FLNB: variants seen among roughly 807,000 people sequenced by gnomAD.
FLNB encodes the protein filamin-B.
A neutral mutation model predicts 250.6 loss-of-function variants in FLNB; 111 were observed. The observed-to-expected ratio is 0.44, with a 90% confidence interval of 0.38 to 0.52. FLNB has a LOEUF of 0.52. FLNB is among the 20% of genes least tolerant of loss of function. The pLI, the probability that FLNB is intolerant of heterozygous loss-of-function variation, is 0.00. For missense variants in FLNB, 2,869 were observed against 3,447.8 expected, an observed-to-expected ratio of 0.83 and a Z score of 4.20; for synonymous variants, 1,302 against 1,372.1, an observed-to-expected ratio of 0.95 and a Z score of 1.13.
At chr3:58,045,581 C>A (rs986060413) in intron 1 of FLNB, among the ~76,000 whole-genome samples, 2 of 152,126 alleles carry the variant, frequency 1.3e-5, no homozygotes, top group African/African-American at 4.8e-5. Flanking sequence ...TGGACACCCC[C>A]GATTTAAAGG....
At chr3:58,147,024 C>G in intron 34 of FLNB, 31 bp downstream of exon 34, 2 of 1,611,654 alleles carry the variant, frequency 1.2e-6, no homozygotes, top group Non-Finnish European at 1.7e-6. Context: ...GGGTCTTCCT[C>G]GTGGGAAGTA....
intron 7 of FLNB, among the ~76,000 whole-genome samples, chr3:58,098,189 T>G (rs964545178): frequency 2.0e-5 from 3 of 152,238 alleles, no homozygotes; most frequent in African/African-American, 7.2e-5. Context: ...ACATACTTCT[T>G]GAATTGTTGG....
At chr3:58,153,962 A>G (rs529656931) in intron 39 of FLNB, among the ~76,000 whole-genome samples, 34 of 152,248 alleles carry the variant, frequency 2.2e-4, no homozygotes, top group Non-Finnish European at 4.0e-4. Context: ...TCTGTGGAAC[A>G]TACTAGAAAG....
chr3:58,104,528 T>C (rs1345044890), intron 10 of FLNB, among the ~76,000 whole-genome samples: 1 of 152,250 alleles, frequency 6.6e-6, no homozygotes, highest in African/African-American at 2.4e-5. Context: ...GGCATTGCAC[T>C]TGCCCCTCTG....
chr3:58,023,723 T>C (rs2106724418), intron 1 of FLNB, among the ~76,000 whole-genome samples: 1 of 152,300 alleles, frequency 6.6e-6, no homozygotes, highest in South Asian at 2.1e-4. Flanking sequence ...CTCATTTGAG[T>C]CTCATTGTGG....
chr3:58,135,654 GAGA>G (rs2097314688), intron 27 of FLNB, among the ~76,000 whole-genome samples: 3 of 152,276 alleles, frequency 2.0e-5, no homozygotes, highest in African/African-American at 7.2e-5. Context: ...TGTTAATAAA[GAGA>G]AAAGGGAGAC....
At chr3:58,017,336 C>T (rs900312937) in intron 1 of FLNB, among the ~76,000 whole-genome samples, 7 of 152,258 alleles carry the variant, frequency 4.6e-5, no homozygotes, top group African/African-American at 9.6e-5. Flanking sequence ...CTGCAACCTC[C>T]GCCTCCCGGG....
chr3:58,056,106 T>TTTATTTA (rs1279571045), intron 1 of FLNB, among the ~76,000 whole-genome samples: 2 of 116,352 alleles, frequency 1.7e-5, no homozygotes, highest in African/African-American at 9.6e-5. Context: ...TATTTATTTA[T>TTTATTTA]TTTTTTTTTT....
In FLNB at chr3:58,120,375, G is replaced by A. The variant is rs78362172; in HGVS notation, c.2864-866G>A. Among the ~76,000 whole-genome samples the A allele has an allele frequency of 9.0e-3, 1,372 of 152,306 alleles. 21 individuals are homozygous for A. Among genetic ancestry groups the A allele is most frequent in the East Asian group, 0.06 (311 of 5,180 alleles). On this transcript the variant is annotated intron_variant, in intron 19 of 45. Coordinates refer to ENST00000295956, the MANE Select transcript of FLNB (RefSeq NM_001457.4). Reference sequence around the variant, plus strand: ...AGCCTCTTTTCCGGTGGGAAGTAGCGATCCGGGACCTCCTTGCCTGTGGTT... The same window carrying A: ...AGCCTCTTTTCCGGTGGGAAGTAGCAATCCGGGACCTCCTTGCCTGTGGTT...
intron 1 of FLNB, among the ~76,000 whole-genome samples, chr3:58,014,935 G>C (rs1174246535): frequency 2.6e-5 from 4 of 152,024 alleles, no homozygotes; most frequent in Non-Finnish European, 5.9e-5. Flanking sequence ...CACCTTGTTG[G>C]TCAGGCTGGT....
intron 1 of FLNB, among the ~76,000 whole-genome samples, chr3:58,029,161 A>G (rs915250995): frequency 2.0e-5 from 3 of 152,158 alleles, no homozygotes; most frequent in African/African-American, 4.8e-5. Context: ...TGTAGTGGTA[A>G]CTAACTTTCT....
At position 58,125,675 on chromosome 3, in the gene FLNB, G is replaced by A. The variant is rs753286383; in HGVS notation, c.3993G>A (p.Val1331=). 1 of 1,614,218 alleles carries A rather than the reference G, an allele frequency of 6.2e-7. No homozygotes were observed. The highest frequency in any genetic ancestry group is 2.2e-5 in the East Asian group (1 of 44,882). Residue 1331 remains valine, a synonymous_variant, in exon 23 of 46, where the codon GTG becomes GTA. Coordinates refer to ENST00000295956, the MANE Select transcript of FLNB (RefSeq NM_001457.4). ...AVTEGCQPSR[V]QAQGPGLKEA... ...CTGAAGGCTGCCAGCCATCTAGGGT[G>A]CAAGCCCAAGGACCTGGATTGAAAG...
At chr3:58,025,922 TCAAA>T (rs1012835817) in intron 1 of FLNB, among the ~76,000 whole-genome samples, 12 of 152,298 alleles carry the variant, frequency 7.9e-5, no homozygotes, top group African/African-American at 2.9e-4. Flanking sequence ...CGAGATTGTC[TCAAA>T]CAAACAAACA....
At chr3:58,129,704 A>C (rs2097303469) in intron 24 of FLNB, among the ~76,000 whole-genome samples, 1 of 152,192 alleles carries the variant, frequency 6.6e-6, no homozygotes, top group Non-Finnish European at 1.5e-5. Flanking sequence ...ATTCTCTGGG[A>C]TGCAAAGCAG....
chr3:58,050,873 G>T (rs1271032381), intron 1 of FLNB, among the ~76,000 whole-genome samples: 1 of 152,192 alleles, frequency 6.6e-6, no homozygotes, highest in Non-Finnish European at 1.5e-5. Context: ...ATTTGTTTTG[G>T]CTCTGTGAAA....
chr3:58,104,106 G>T, intron 10 of FLNB, 21 bp downstream of exon 10: 9 of 1,613,292 alleles, frequency 5.6e-6, no homozygotes, highest in Non-Finnish European at 7.6e-6. Context: ...TGCTGCAGAG[G>T]GGTCTTCTCT....
chr3:58,134,119 G>A (rs1048903599), intron 26 of FLNB, among the ~76,000 whole-genome samples: 15 of 152,204 alleles, frequency 9.9e-5, no homozygotes, highest in African/African-American at 3.6e-4. Context: ...GTGGGTGCAC[G>A]GCATGTTAGG....
Position 58,142,863 on chromosome 3 carries a change from G to A in FLNB, c.5284+111G>A, listed in dbSNP as rs1003867100. 5.5e-6 allele frequency: 5 copies of A among 906,558 alleles called. No individual in the cohort carries two copies. The highest frequency in any genetic ancestry group is 8.9e-6 in the Non-Finnish European group (5 of 558,878). The allele number at this position is 906,558 out of a possible 1,614,324, so 56.2% of individuals were successfully genotyped here. A position where few individuals can be genotyped will look rare whatever the true frequency, so the allele number is the denominator to read the frequency against. ...CCCCAGACCCAGGCTCCTTAACCCAGGGTCACGAGTTCTTGGTCTCCGGTG... is the reference window on the plus strand; with the variant it reads ...CCCCAGACCCAGGCTCCTTAACCCAAGGTCACGAGTTCTTGGTCTCCGGTG... On this transcript the variant is annotated intron_variant, in intron 31 of 45. Coordinates refer to ENST00000295956, the MANE Select transcript of FLNB (RefSeq NM_001457.4). This position sits in a 1 kb window ranked among gnomAD's most constrained non-coding sequence, Gnocchi z 4.3.
chr3:58,088,771 G>A (rs1415079794), intron 4 of FLNB, among the ~76,000 whole-genome samples: 3 of 152,158 alleles, frequency 2.0e-5, no homozygotes, highest in Non-Finnish European at 2.9e-5. Context: ...AAACTATGCA[G>A]CCCCACACTT....
Sources: allele counts gnomAD v4.1 joint callset (sites outside exome capture counted in the v4.1 genomes callset), GRCh38; gene constraint gnomAD v4.1.1; non-coding constraint Gnocchi (gnomAD v3.1); transcripts MANE v1.5; gene names NCBI Gene and HGNC (gene_info 2026-07-23, HGNC 2026-07-21).